MINDY3: variants seen among roughly 807,000 people sequenced by gnomAD.
The protein encoded by MINDY3 is ubiquitin carboxyl-terminal hydrolase MINDY-3.
Under a neutral mutation model 69.2 loss-of-function variants are expected in MINDY3, and 38 were observed. That is an observed-to-expected ratio of 0.55 (90% CI 0.42 to 0.72). The LOEUF (loss-of-function observed/expected upper bound fraction) is 0.72. MINDY3 is among the 30% of genes least tolerant of loss of function. The pLI is 0.00. For missense variants in MINDY3, 522 were observed against 519.0 expected (o/e 1.01, Z -0.06); for synonymous variants, 192 against 180.1 (o/e 1.07, Z -0.53).
chr10:15,827,354 T>C (rs927100020), intron 8 of MINDY3, among the ~76,000 whole-genome samples: 8 of 151,726 alleles, frequency 5.3e-5, no homozygotes, highest in African/African-American at 4.8e-5. Flanking sequence ...CCAGCCTGGC[T>C]AACATGGTAA....
chr10:15,834,917 A>C (rs1199434651), intron 6 of MINDY3, among the ~76,000 whole-genome samples: 3 of 152,110 alleles, frequency 2.0e-5, no homozygotes, highest in Non-Finnish European at 4.4e-5. Context: ...GAAATTATTT[A>C]ATAGTTAAAT....
intron 8 of MINDY3, 93 bp from the exon 9 acceptor site, chr10:15,821,819 T>C: frequency 1.0e-6 from 1 of 953,298 alleles, no homozygotes; most frequent in South Asian, 1.7e-5. Flanking sequence ...TATATATTTA[T>C]ACTACACCAA....
In MINDY3 at chr10:15,860,211, G is replaced by T; in HGVS notation, c.89C>A (p.Thr30Lys). Residue 30 changes from threonine to lysine, a missense_variant, in exon 1 of 15, where the codon ACG (threonine) becomes AAG (lysine). By Grantham distance (78) the Thr-to-Lys change is moderately conservative (BLOSUM62 -1). Transcript: ENST00000277632. ...TGAGAGCCCCGCCAGGGTACCTTGC[G>T]TCCAGCGGCAGAAAATGGTGTCCGA... ...GLSDTIFCRW[T>K]QGFVFSESEG... 1 of 1,606,576 alleles carries T rather than the reference G, an allele frequency of 6.2e-7. No individual in the cohort carries two copies. Among genetic ancestry groups the T allele is most frequent in the South Asian group, 1.1e-5 (1 of 89,488 alleles).
At chr10:15,850,822 C>A (rs376552122) in intron 1 of MINDY3, among the ~76,000 whole-genome samples, 62 of 152,100 alleles carry the variant, frequency 4.1e-4, no homozygotes, top group African/African-American at 1.4e-3. Context: ...GCTGGTTTTG[C>A]GGCTCAGGGG....
chr10:15,790,613 A>G (rs1018885528), intron 11 of MINDY3, among the ~76,000 whole-genome samples: 1 of 152,138 alleles, frequency 6.6e-6, no homozygotes, highest in Non-Finnish European at 1.5e-5. Context: ...GACAGGAACA[A>G]TTAGGTTTCT....
At chr10:15,798,741 T>C (rs1212107625) in intron 10 of MINDY3, among the ~76,000 whole-genome samples, 4 of 151,882 alleles carry the variant, frequency 2.6e-5, no homozygotes, top group South Asian at 2.1e-4. Flanking sequence ...GATCATGCCA[T>C]TGCACTCCAG....
At chr10:15,826,371 T>C (rs945566170) in intron 8 of MINDY3, among the ~76,000 whole-genome samples, 1 of 152,146 alleles carries the variant, frequency 6.6e-6, no homozygotes, top group African/African-American at 2.4e-5. Context: ...CAAAAGATGG[T>C]TTCAAAAACT....
chr10:15,857,130 C>G (rs1198361979), intron 1 of MINDY3, among the ~76,000 whole-genome samples: 1 of 152,158 alleles, frequency 6.6e-6, no homozygotes, highest in African/African-American at 2.4e-5. Flanking sequence ...CTTATATCAT[C>G]TTTTATTACT....
At chr10:15,814,339 T>C (rs1466701709) in intron 10 of MINDY3, among the ~76,000 whole-genome samples, 2 of 152,046 alleles carry the variant, frequency 1.3e-5, no homozygotes, top group Non-Finnish European at 2.9e-5. Context: ...AAAGTATCTA[T>C]AGATACTACA....
At chr10:15,853,241 C>T (rs1318081987) in intron 1 of MINDY3, among the ~76,000 whole-genome samples, 1 of 151,522 alleles carries the variant, frequency 6.6e-6, no homozygotes, top group African/African-American at 2.4e-5. Flanking sequence ...TTAAGGTCTC[C>T]AAGTCCTGAA....
intron 1 of MINDY3, among the ~76,000 whole-genome samples, chr10:15,848,855 CA>C (rs199529548): frequency 0.01 from 1,550 of 152,152 alleles, 30 homozygotes; most frequent in African/African-American, 0.036. Flanking sequence ...GCTTGGGCCT[CA>C]GTGTTCTCAT....
chr10:15,813,206 CCTG>C (rs1564484676), intron 10 of MINDY3, among the ~76,000 whole-genome samples: 1 of 152,100 alleles, frequency 6.6e-6, no homozygotes, highest in African/African-American at 2.4e-5. Flanking sequence ...AGTAACATGG[CCTG>C]CTATTCTTCC....
At chr10:15,818,447 A>T (rs1490137932) in intron 9 of MINDY3, among the ~76,000 whole-genome samples, 1 of 152,186 alleles carries the variant, frequency 6.6e-6, no homozygotes, top group Non-Finnish European at 1.5e-5. Context: ...CAACAGTTTG[A>T]CACTTCCTCA....
intron 10 of MINDY3, among the ~76,000 whole-genome samples, chr10:15,802,202 C>T (rs973592809): frequency 1.3e-5 from 2 of 151,904 alleles, no homozygotes; most frequent in Non-Finnish European, 2.9e-5. Context: ...GGTTAGCACC[C>T]CAACTCCCAT....
At position 15,786,662 on chromosome 10, in the gene MINDY3, GAAGA is replaced by G. The variant is rs754441535; in HGVS notation, c.1029-18_1029-15del. 5 of 1,453,074 alleles carry G rather than the reference GAAGA, an allele frequency of 3.4e-6. No homozygotes were observed. Among genetic ancestry groups the G allele is most frequent in the Non-Finnish European group, 2.9e-6 (3 of 1,046,112 alleles). 90.0% of individuals were successfully genotyped at this position (1,453,074 alleles called of 1,614,324 possible). Reference sequence around the variant, plus strand: ...ATGAGATTTATACTACGGGGAGAAAGAAGAAAAACAGTGGATACCAGAGGAAAAA... The same window carrying G: ...ATGAGATTTATACTACGGGGAGAAAGAAAACAGTGGATACCAGAGGAAAAA... On this transcript the variant is annotated splice_polypyrimidine_tract_variant and intron_variant, in intron 12 of 14. Transcript: ENST00000277632.
chr10:15,787,498 A>AC (rs1048219587), intron 12 of MINDY3, among the ~76,000 whole-genome samples: 14 of 152,214 alleles, frequency 9.2e-5, no homozygotes, highest in Middle Eastern at 3.4e-3. Flanking sequence ...CTAGTCAACC[A>AC]CCTTCCTCAG....
intron 1 of MINDY3, 57 bp downstream of exon 1, chr10:15,860,149 G>A: frequency 7.6e-7 from 1 of 1,315,022 alleles, no homozygotes; most frequent in Non-Finnish European, 1.1e-6. Context: ...GTCACAGGCG[G>A]ACTCTCGCAG....
intron 10 of MINDY3, among the ~76,000 whole-genome samples, chr10:15,800,765 C>T (rs149501514): frequency 1.3e-5 from 2 of 152,164 alleles, no homozygotes; most frequent in East Asian, 3.9e-4. Context: ...GCATAAATAT[C>T]GTAAAGAAAG....
At position 15,810,760 on chromosome 10, in the gene MINDY3, A is replaced by C. The variant is rs116141552; in HGVS notation, c.882+6075T>G. Among the ~76,000 whole-genome samples the C allele has an allele frequency of 7.9e-5, 12 of 152,312 alleles. No individual in the cohort carries two copies. The South Asian group carries it at 2.5e-3, about 32-fold the overall frequency. Reference sequence around the variant, plus strand: ...ATCCTGCCATCACAGAGCTTACTACAGAGAGAGACAGATAATATAGAAAAC... The same window carrying C: ...ATCCTGCCATCACAGAGCTTACTACCGAGAGAGACAGATAATATAGAAAAC... On this transcript the variant is annotated intron_variant, in intron 10 of 14. Transcript: ENST00000277632.
Sources: allele counts gnomAD v4.1 joint callset (sites outside exome capture counted in the v4.1 genomes callset), GRCh38; gene constraint gnomAD v4.1.1; transcripts MANE v1.5; gene names NCBI Gene and HGNC (gene_info 2026-07-23, HGNC 2026-07-21).